Variants in VWDE observed in about 807,000 individuals in gnomAD.
VWDE encodes von Willebrand factor D and EGF domain-containing protein.
VWDE carries 207 observed loss-of-function variants against 178.4 expected under a neutral mutation model. That is an observed-to-expected ratio of 1.16 (90% confidence interval 1.04 to 1.30). VWDE has a LOEUF of 1.30. VWDE is among the 50% of genes most tolerant of loss of function. The pLI is 0.00. For missense variants in VWDE, 2,287 were observed against 1,901.3 expected (o/e 1.20, Z -3.77); for synonymous variants, 738 against 651.4 (o/e 1.13, Z -2.02).
At chr7:12,369,452 C>T (rs1007213654) in intron 12 of VWDE, 93 bp downstream of exon 12, 2 of 1,384,296 alleles carry the variant, frequency 1.4e-6, no homozygotes, top group Non-Finnish European at 1.9e-6. Flanking sequence ...TCTGAATAAA[C>T]ACTGTTAGGA....
At chr7:12,337,338 A>C in intron 24 of VWDE, 66 bp from the exon 25 acceptor site, 1 of 1,315,080 alleles carries the variant, frequency 7.6e-7, no homozygotes, top group Non-Finnish European at 1.1e-6. Context: ...GATACATTGC[A>C]TCATGTGCTT....
intron 9 of VWDE, among the ~76,000 whole-genome samples, 163 bp from the exon 10 acceptor site, chr7:12,373,410 C>G (rs1214471174): frequency 6.6e-6 from 1 of 152,076 alleles, no homozygotes; most frequent in African/African-American, 2.4e-5. Context: ...CTCCTTTCTT[C>G]CCTTTCACCA....
intron 23 of VWDE, among the ~76,000 whole-genome samples, chr7:12,341,847 T>C (rs1781350332): frequency 6.6e-6 from 1 of 152,068 alleles, no homozygotes; most frequent in South Asian, 2.1e-4. Flanking sequence ...TTGGTTAAGA[T>C]AACAGTAAAG....
intron 18 of VWDE, among the ~76,000 whole-genome samples, chr7:12,354,851 G>A (rs545667397): frequency 5.8e-4 from 89 of 152,260 alleles, no homozygotes; most frequent in Non-Finnish European, 1.1e-3. Context: ...ATGGTTGTCT[G>A]TTTAGCTTAA....
At chr7:12,371,927 T>A (rs763519974) in intron 10 of VWDE, among the ~76,000 whole-genome samples, 1 of 152,126 alleles carries the variant, frequency 6.6e-6, no homozygotes, top group Non-Finnish European at 1.5e-5. Context: ...CATCCTTAAC[T>A]ATTTTTTTTT....
At chr7:12,364,474 C>A (rs578216915) in intron 13 of VWDE, among the ~76,000 whole-genome samples, 1 of 151,924 alleles carries the variant, frequency 6.6e-6, no homozygotes, top group East Asian at 1.9e-4. Context: ...GTTAAAAGGA[C>A]GTGTGAACGA....
At position 12,369,833 on chromosome 7, in the gene VWDE, C is replaced by T. The variant is rs1484438866; in HGVS notation, c.2473G>A (p.Ala825Thr). 1 of 1,551,500 alleles carries T rather than the reference C, an allele frequency of 6.4e-7. No homozygotes were observed. The highest frequency in any genetic ancestry group is 8.7e-7 in the Non-Finnish European group (1 of 1,146,880). ...ANSSIGRLCL[A>T]FLGKRLDSVI... ...CTGTCTAATCTCTTGCCAAGAAAAG[C>T]AAGACACAGCCTTCCTATGCTGGAG... Residue 825 changes from alanine to threonine, a missense_variant, in exon 12 of 29, where the codon GCT (alanine) becomes ACT (threonine). Transcript: ENST00000275358.
chr7:12,401,530 A>C (rs934695301), intron 1 of VWDE, among the ~76,000 whole-genome samples: 3 of 152,208 alleles, frequency 2.0e-5, no homozygotes, highest in African/African-American at 7.2e-5. Context: ...ATTTCTCATA[A>C]GGGCATTAAA....
intron 1 of VWDE, among the ~76,000 whole-genome samples, chr7:12,400,882 C>G (rs1286955866): frequency 7.9e-5 from 12 of 152,118 alleles, no homozygotes; most frequent in African/African-American, 1.9e-4. Flanking sequence ...GAGATTTATT[C>G]CAGGAAAACA....
intron 28 of VWDE, among the ~76,000 whole-genome samples, chr7:12,332,375 GC>G (rs1780772647): frequency 6.6e-6 from 1 of 152,032 alleles, no homozygotes; most frequent in Non-Finnish European, 1.5e-5. Context: ...ATTCTTAGAA[GC>G]AGCATTAATG....
In VWDE at chr7:12,375,585, A is replaced by AT. The variant is rs369080291; in HGVS notation, c.1025-359dup. ...TTTACATATTATATATACTAACATG[A>AT]TTTTTTCTGTCTAAGATTTGTAACG... On this transcript the variant is annotated intron_variant, in intron 7 of 28. Coordinates refer to ENST00000275358, the MANE Select transcript of VWDE (RefSeq NM_001135924.3). Among the ~76,000 whole-genome samples the AT allele has an allele frequency of 7.2e-3, 1,096 of 151,866 alleles. 8 individuals carry two copies. Among genetic ancestry groups the AT allele is most frequent in the South Asian group, 0.027 (130 of 4,820 alleles).
intron 2 of VWDE, among the ~76,000 whole-genome samples, chr7:12,392,534 G>C (rs1418699860): frequency 6.6e-6 from 1 of 152,144 alleles, no homozygotes; most frequent in East Asian, 1.9e-4. Flanking sequence ...AGGGGAACTT[G>C]CATTTGAAAA....
chr7:12,380,012 C>G (rs943430214), intron 5 of VWDE, among the ~76,000 whole-genome samples: 13 of 151,394 alleles, frequency 8.6e-5, no homozygotes, highest in Admixed American at 2.0e-4. Context: ...GCAGGAGAAT[C>G]GCTTGAACCT....
At chr7:12,342,581 T>A (rs994075075) in intron 22 of VWDE, among the ~76,000 whole-genome samples, 15 of 152,138 alleles carry the variant, frequency 9.9e-5, no homozygotes, top group African/African-American at 3.6e-4. Context: ...AGATGGTAAC[T>A]GTTGTCATCA....
intron 28 of VWDE, among the ~76,000 whole-genome samples, chr7:12,332,466 G>A (rs73290474): frequency 2.6e-5 from 4 of 152,038 alleles, no homozygotes; most frequent in African/African-American, 9.7e-5. Context: ...ATATAGAGCA[G>A]CCACCTAGTT....
chr7:12,337,072 G>A lies in VWDE; in HGVS notation c.4474C>T (p.Pro1492Ser), dbSNP rs755144023. ...GRRFQKSICDPTCMNGGKCVG... is the reference protein window; with the variant it reads ...GRRFQKSICDSTCMNGGKCVG... ...CATTTTCCTCCATTCATGCACGTAG[G>A]ATCACAGATGCCTTAAGGTAAAAGC... The change falls in exon 26 of 29, where the codon CCT becomes TCT. Residue 1492 changes from proline to serine, a missense_variant. Physicochemically the swap from Pro to Ser is moderately conservative, Grantham distance 74. Coordinates refer to ENST00000275358, the MANE Select transcript of VWDE (RefSeq NM_001135924.3). 2.6e-6 allele frequency: 4 copies of A among 1,551,582 alleles called. No homozygotes were observed. In the South Asian group the frequency reaches 4.8e-5, roughly 18 times the overall value.
chr7:12,383,364 G>A (rs756172533), intron 4 of VWDE, among the ~76,000 whole-genome samples, 172 bp downstream of exon 4: 4 of 152,002 alleles, frequency 2.6e-5, no homozygotes, highest in Admixed American at 1.3e-4. Flanking sequence ...CACCCAACTC[G>A]AGGACTATTT....
chr7:12,331,189 G>A lies in VWDE; in HGVS notation c.4767C>T (p.Arg1589=), dbSNP rs887211747. 4.2e-5 allele frequency: 64 copies of A among 1,540,508 alleles called. No homozygotes were observed. The highest frequency in any genetic ancestry group is 5.3e-5 in the Non-Finnish European group (60 of 1,139,178). The change falls in exon 29 of 29, where the codon CGC becomes CGT. Residue 1589 remains arginine, a synonymous_variant. Transcript: ENST00000275358. ...TTCATATACTTGATGCTACTCAATGGCGTCTTATCTGTAGTAGGAAGAAGG... is the reference window on the plus strand; with the variant it reads ...TTCATATACTTGATGCTACTCAATGACGTCTTATCTGTAGTAGGAAGAAGG... ...VKCEKKIQIR[R]H is the part of the protein sequence containing the mutation.
intron 4 of VWDE, among the ~76,000 whole-genome samples, chr7:12,382,426 T>C (rs1783897778): frequency 3.3e-5 from 5 of 151,662 alleles, no homozygotes; most frequent in Admixed American, 3.3e-4. Flanking sequence ...CATACAGTAA[T>C]AGCTTGTGTA....
Sources: allele counts gnomAD v4.1 joint callset (sites outside exome capture counted in the v4.1 genomes callset), GRCh38; gene constraint gnomAD v4.1.1; transcripts MANE v1.5; gene names NCBI Gene and HGNC (gene_info 2026-07-23, HGNC 2026-07-21).